Variants in SLC25A45 observed in about 807,000 individuals in gnomAD.
SLC25A45 encodes solute carrier family 25 member 45, also known as methylated amino-acid transporter SLC25A45.
A neutral mutation model predicts 23.0 loss-of-function variants in SLC25A45; 22 were observed. The observed-to-expected ratio is 0.95, with a 90% CI of 0.68 to 1.36. The LOEUF (loss-of-function observed/expected upper bound fraction) is 1.36, where lower values mean the gene tolerates loss of function less well. Among genes scored for constraint, SLC25A45 ranks in the 40% most tolerant of loss-of-function variants. The pLI is 0.00. For synonymous variants in SLC25A45, 136 were observed against 155.0 expected (o/e 0.88, Z 0.91); for missense variants, 355 against 383.5 (o/e 0.93, Z 0.62).
rs545318189 is a variant in SLC25A45 at position 65,379,708 on chromosome 11, C to T, written c.154-147G>A. On this transcript the variant is annotated intron_variant, in intron 4 of 6. Coordinates refer to ENST00000398802, the MANE Select transcript of SLC25A45 (RefSeq NM_182556.4). ...GACAGGCAGGGATGGGCTGAGGCTG[C>T]GCCTCTGGGGTGCTAAGCTACCACC... 411 of 1,241,080 alleles carry T rather than the reference C, an allele frequency of 3.3e-4. 1 individual carries two copies. The highest frequency in any genetic ancestry group is 5.0e-4 in the South Asian group (35 of 69,798). The allele number at this position is 1,241,080 out of a possible 1,614,324, so 76.9% of individuals were successfully genotyped here. A position where few individuals can be genotyped will look rare whatever the true frequency, so the allele number is the denominator to read the frequency against.
rs80042162 is a variant in SLC25A45 at position 65,376,230 on chromosome 11, CT to C, written c.*176del. On this transcript the variant is annotated 3_prime_UTR_variant, in exon 7 of 7. Coordinates refer to ENST00000398802, the MANE Select transcript of SLC25A45 (RefSeq NM_182556.4). ...TACACAGGGAGGCTGCACAGGCCCC[CT>C]GGCTTCCGGCTCCCACAGGTGTCTG... is the stretch of plus-strand genomic sequence containing the variant. 360,821 of 755,314 alleles carry C rather than the reference CT, an allele frequency of 0.48. 95,797 individuals carry two copies. The highest frequency in any genetic ancestry group is 0.55 in the Non-Finnish European group (262,773 of 474,890). 46.8% of individuals were successfully genotyped at this position (755,314 alleles called of 1,614,324 possible).
At chr11:65,380,006 C>T in intron 3 of SLC25A45, 68 bp from the exon 4 acceptor site, 1 of 1,600,190 alleles carries the variant, frequency 6.2e-7, no homozygotes, top group Non-Finnish European at 8.6e-7. Context: ...CCTCTGCCCC[C>T]TCAAGCGGGA....
intron 5 of SLC25A45, 139 bp from the exon 6 acceptor site, chr11:65,377,215 C>A: frequency 6.9e-7 from 1 of 1,441,924 alleles, no homozygotes; most frequent in Non-Finnish European, 9.1e-7. Flanking sequence ...CAGCCTCTCA[C>A]GTGCATGTGT....
At chr11:65,381,586 GT>G in intron 2 of SLC25A45, 1 of 13,524 alleles carries the variant, frequency 7.4e-5, no homozygotes, top group African/African-American at 2.4e-4. Flanking sequence ...TTTTTTTTTT[GT>G]GGCAGGGTCT....
Position 65,382,131 on chromosome 11 carries a change from G to A in SLC25A45, c.-18-162C>T. The A allele has an allele frequency of 1.6e-6, 1 of 641,898 alleles. No individual in the cohort carries two copies. Among genetic ancestry groups the A allele is most frequent in the South Asian group, 1.7e-5 (1 of 57,868 alleles). 39.8% of individuals were successfully genotyped at this position (641,898 alleles called of 1,614,324 possible). On this transcript the variant is annotated intron_variant, in intron 1 of 6. Coordinates refer to ENST00000398802, the MANE Select transcript of SLC25A45 (RefSeq NM_182556.4). The surrounding 1 kb of genome is among the most constrained non-coding windows in gnomAD (Gnocchi z 4.4). ...CAGAGGAGAGCGAGCCAGTTCCGGT[G>A]ACCCTGGCCACCTGGAGGAGTCGTG...
Position 65,376,466 on chromosome 11 carries a change from A to AG in SLC25A45, c.807dup (p.Phe270LeufsTer88), listed in dbSNP as rs1855180160. Reference sequence around the variant, plus strand: ...AGGAAGGTGACAGCATTGACGGGAAAGGCGCGGGCACTGTTGATGGTGACC... The same window carrying AG: ...AGGAAGGTGACAGCATTGACGGGAAAGGGCGCGGGCACTGTTGATGGTGACC... On this transcript the variant is annotated frameshift_variant, in exon 7 of 7. Coordinates refer to ENST00000398802, the MANE Select transcript of SLC25A45 (RefSeq NM_182556.4). LOFTEE classifies it high-confidence loss of function. 1.2e-6 allele frequency: 2 copies of AG among 1,614,194 alleles called. No homozygotes were observed. The highest frequency in any genetic ancestry group is 1.7e-6 in the Non-Finnish European group (2 of 1,180,032).
At chr11:65,380,197 A>T (rs765463562) in intron 2 of SLC25A45, 22 bp from the exon 3 acceptor site, 1 of 1,614,028 alleles carries the variant, frequency 6.2e-7, no homozygotes, top group African/African-American at 1.3e-5. Context: ...AGAGGGTGCT[A>T]TGAGTGAGGG....
Position 65,382,072 on chromosome 11 carries a change from G to T in SLC25A45, c.-18-103C>A. On this transcript the variant is annotated intron_variant, in intron 1 of 6. Coordinates refer to ENST00000398802, the MANE Select transcript of SLC25A45 (RefSeq NM_182556.4). This position sits in a 1 kb window ranked among gnomAD's most constrained non-coding sequence, Gnocchi z 4.4. ...ATGTTTAACCCTGGCGGGAAGGTGA[G>T]AATTGGCCTGGTGCCCAGACCTCCG... 2 of 915,286 alleles carry T rather than the reference G, an allele frequency of 2.2e-6. No homozygotes were observed. Among genetic ancestry groups the T allele is most frequent in the Non-Finnish European group, 3.6e-6 (2 of 561,830 alleles). 56.7% of individuals were successfully genotyped at this position (915,286 alleles called of 1,614,324 possible). A position where few individuals can be genotyped will look rare whatever the true frequency, so the allele number is the denominator to read the frequency against.
At position 65,382,190 on chromosome 11, in the gene SLC25A45, A is replaced by G; in HGVS notation, c.-18-221T>C. ...AGTCTCACGGGCCAGGCGTGCCGGG[A>G]CCACAGAGGCCCTGATCCCCGAGCC... On this transcript the variant is annotated intron_variant, in intron 1 of 6. Transcript: ENST00000398802. The surrounding 1 kb of genome is among the most constrained non-coding windows in gnomAD (Gnocchi z 4.4). 1 of 569,604 alleles carries G rather than the reference A, an allele frequency of 1.8e-6. No homozygotes were observed. The highest frequency in any genetic ancestry group is 3.2e-6 in the Non-Finnish European group (1 of 316,310). The allele number at this position is 569,604 out of a possible 1,614,324, so 35.3% of individuals were successfully genotyped here.
chr11:65,382,256 T>C lies in SLC25A45; in HGVS notation c.-19+230A>G. 1 of 470,996 alleles carries C rather than the reference T, an allele frequency of 2.1e-6. No individual in the cohort carries two copies. The highest frequency in any genetic ancestry group is 3.9e-6 in the Non-Finnish European group (1 of 255,462). The allele number at this position is 470,996 out of a possible 1,614,324, so 29.2% of individuals were successfully genotyped here. On this transcript the variant is annotated intron_variant, in intron 1 of 6. Coordinates refer to ENST00000398802, the MANE Select transcript of SLC25A45 (RefSeq NM_182556.4). The surrounding 1 kb of genome is among the most constrained non-coding windows in gnomAD (Gnocchi z 4.4). ...GCTCTGAGGATGGCAACTGGGTTCC[T>C]GCCCCATGGTCGGGCCCCTCCAGGG...
chr11:65,378,874 G>A (rs114084120), intron 5 of SLC25A45: 4,557 of 161,494 alleles, frequency 0.028, 270 homozygotes, highest in African/African-American at 0.1. Context: ...AATGGTTAAT[G>A]CCCTGCTGGG....
intron 2 of SLC25A45, chr11:65,381,577 T>TC (rs1239506059): frequency 1.8e-5 from 3 of 163,524 alleles, no homozygotes; most frequent in Non-Finnish European, 2.6e-5. Context: ...TTTTTTTTTT[T>TC]TTTTTTTTGT....
At chr11:65,379,178 C>G in intron 5 of SLC25A45, 198 bp downstream of exon 5, 1 of 616,882 alleles carries the variant, frequency 1.6e-6, no homozygotes, top group Non-Finnish European at 2.8e-6. Context: ...CACCAGCTGT[C>G]TCTGCCTTTT....
At chr11:65,379,190 CCCCCTCTGTT>C in intron 5 of SLC25A45, 176 bp downstream of exon 5, 2 of 649,144 alleles carry the variant, frequency 3.1e-6, no homozygotes, top group Non-Finnish European at 5.2e-6. Flanking sequence ...CTGCCTTTTG[CCCCCTCTGTT>C]CCCCACAGCC....
intron 5 of SLC25A45, 21 bp from the exon 6 acceptor site, chr11:65,377,097 G>C (rs749620573): frequency 6.2e-7 from 1 of 1,606,210 alleles, no homozygotes; most frequent in Non-Finnish European, 8.5e-7. Flanking sequence ...TGAAACATGA[G>C]GGCCCCGGGT....
At chr11:65,380,020 C>T (rs1340960272) in intron 3 of SLC25A45, 82 bp from the exon 4 acceptor site, 3 of 1,591,174 alleles carry the variant, frequency 1.9e-6, no homozygotes, top group Non-Finnish European at 2.6e-6. Flanking sequence ...AGCGGGATGC[C>T]AACCAGCAGG....
intron 2 of SLC25A45, 123 bp from the exon 3 acceptor site, chr11:65,380,298 G>T: frequency 7.1e-7 from 1 of 1,400,436 alleles, no homozygotes; most frequent in Non-Finnish European, 1.0e-6. Context: ...TCAGACACAT[G>T]CAGCCACCTT....
At chr11:65,380,219 G>A in intron 2 of SLC25A45, 44 bp from the exon 3 acceptor site, 1 of 1,613,864 alleles carries the variant, frequency 6.2e-7, no homozygotes, top group Non-Finnish European at 8.5e-7. Context: ...CCTCGTGCCA[G>A]GCCCAGGAAG....
chr11:65,376,540 C>A lies in SLC25A45; in HGVS notation c.734G>T (p.Cys245Phe), dbSNP rs769869579. ...TTCCTGCCGGATGCTGCTCACCATG[C>A]AGTCCAGCATCCCCTGGTACACTCT... Reference protein sequence around the residue: ...RRRVYQGMLDCMVSSIRQEGL... With the variant: ...RRRVYQGMLDFMVSSIRQEGL... The change falls in exon 7 of 7, where the codon TGC (cysteine) becomes TTC (phenylalanine). Residue 245 changes from cysteine (C) to phenylalanine (F), a missense_variant. Cys to Phe is a radical substitution (Grantham distance 205, BLOSUM62 -2). Coordinates refer to ENST00000398802, the MANE Select transcript of SLC25A45 (RefSeq NM_182556.4). 8 of 1,614,200 alleles carry A rather than the reference C, an allele frequency of 5.0e-6. No homozygotes were observed. The highest frequency in any genetic ancestry group is 2.2e-5 in the East Asian group (1 of 44,888).
Sources: gnomAD v4.1 joint callset for allele counts on GRCh38, gnomAD v4.1.1 for gene constraint, Gnocchi (gnomAD v3.1) non-coding constraint, MANE v1.5 for transcripts, NCBI Gene and HGNC (gene_info 2026-07-23, HGNC 2026-07-21) for gene names.